Variants in TOMM40 observed in about 807,000 individuals in gnomAD.
TOMM40 encodes mitochondrial import receptor subunit TOM40 homolog.
In TOMM40, 9 loss-of-function variants were observed where a neutral mutation model predicts 38.4. That is an observed-to-expected ratio of 0.23 (90% confidence interval 0.14 to 0.41). The LOEUF is 0.41. Among genes scored for constraint, TOMM40 ranks in the 10% least tolerant of loss-of-function variants. The probability of loss-of-function intolerance (pLI) is 1.00; values close to 1 mark genes in which losing one functional copy is unlikely to be tolerated. For synonymous variants in TOMM40, 184 were observed against 210.0 expected, an observed-to-expected ratio of 0.88 and a Z score of 1.07; for missense variants, 299 against 486.5, an observed-to-expected ratio of 0.61 and a Z score of 3.63.
At chr19:44,901,171 A>G (rs1468346592) in intron 7 of TOMM40, 37 bp from the exon 8 acceptor site, 3 of 1,613,758 alleles carry the variant, frequency 1.9e-6, no homozygotes, top group South Asian at 1.1e-5. Flanking sequence ...AGGTGGGGCC[A>G]CTTGCTAATT....
At position 44,901,112 on chromosome 19, in the gene TOMM40, G is replaced by A. The variant is rs756652515; in HGVS notation, c.843+8G>A. On this transcript the variant is annotated splice_region_variant and intron_variant, in intron 7 of 8. Coordinates refer to ENST00000426677, the MANE Select transcript of TOMM40 (RefSeq NM_001128917.2). The stretch of plus-strand genomic sequence containing the variant: ...CACAAAGCCAGTGACCAGGTGAGTG[G>A]GTGCAGGGACTAGCTGGTGCTGCCA... 3.1e-6 allele frequency: 5 copies of A among 1,614,144 alleles called. No homozygotes were observed. The highest frequency in any genetic ancestry group is 3.3e-5 in the Admixed American group (2 of 60,014).
intron 2 of TOMM40, 118 bp downstream of exon 2, chr19:44,892,578 A>G: frequency 1.0e-6 from 1 of 995,824 alleles, no homozygotes; most frequent in Non-Finnish European, 1.6e-6. Flanking sequence ...ATACTTGAAA[A>G]GACTCGGAGA....
At chr19:44,893,056 C>T in intron 3 of TOMM40, 127 bp downstream of exon 3, 1 of 718,520 alleles carries the variant, frequency 1.4e-6, no homozygotes, top group Non-Finnish European at 2.3e-6. Context: ...GGGATTGCAT[C>T]TCTCCGAGGT....
intron 5 of TOMM40, among the ~76,000 whole-genome samples, chr19:44,897,948 TG>T (rs1180947698): frequency 3.3e-5 from 5 of 152,010 alleles, no homozygotes; most frequent in Non-Finnish European, 4.4e-5. Context: ...CAACAACCAG[TG>T]GGGGGTTCGG....
At chr19:44,900,673 G>T in intron 5 of TOMM40, 57 bp from the exon 6 acceptor site, 1 of 1,610,866 alleles carries the variant, frequency 6.2e-7, no homozygotes. Context: ...CTTCCTGGAG[G>T]TGGAGTCTAG....
rs564387680 is a variant in TOMM40, at chr19:44,891,608, G to C, written c.193G>C (p.Ala65Pro). Residue 65 changes from alanine (A) to proline (P), a missense_variant, in exon 1 of 9, where the codon GCC (alanine) becomes CCC (proline). Physicochemically the swap from Ala to Pro is conservative, Grantham distance 27. Transcript: ENST00000426677. ...ERTPGAATAS[A>P]SGAAEDGACG... The stretch of plus-strand genomic sequence containing the variant: ...GACCCCCGGGGCTGCAACCGCCAGC[G>C]CCTCAGGGGCCGCCGAGGATGGGGC... The C allele has an allele frequency of 5.4e-6, 8 of 1,475,754 alleles. No individual in the cohort carries two copies. The South Asian group carries it at 6.3e-5, about 12-fold the overall frequency. 91.4% of individuals were successfully genotyped at this position (1,475,754 alleles called of 1,614,324 possible).
intron 5 of TOMM40, 107 bp downstream of exon 5, chr19:44,894,173 C>A: frequency 1.2e-6 from 1 of 801,894 alleles, no homozygotes; most frequent in Non-Finnish European, 1.9e-6. Flanking sequence ...AGAAGTGGCT[C>A]AGCAGGAGTG....
chr19:44,894,118 G>A (rs759234872), intron 5 of TOMM40, 52 bp downstream of exon 5: 3 of 1,386,614 alleles, frequency 2.2e-6, no homozygotes, highest in East Asian at 4.9e-5. Context: ...TTCTGGCTTT[G>A]CCAGCAAATC....
chr19:44,903,258 C>T lies in TOMM40; in HGVS notation c.*89C>T. The T allele has an allele frequency of 7.4e-7, 1 of 1,344,734 alleles. No individual in the cohort carries two copies. Among genetic ancestry groups the T allele is most frequent in the Middle Eastern group, 2.7e-4 (1 of 3,654 alleles). 83.3% of individuals were successfully genotyped at this position (1,344,734 alleles called of 1,614,324 possible). A position where few individuals can be genotyped will look rare whatever the true frequency, so the allele number is the denominator to read the frequency against. On this transcript the variant is annotated 3_prime_UTR_variant, in exon 9 of 9. Coordinates refer to ENST00000426677, the MANE Select transcript of TOMM40 (RefSeq NM_001128917.2). ...ACAGAGGGGAGACCTGAGCCCCCCT[C>T]CCTTCCCTCCCCCCTTGGGGGTCGG...
rs915656093 is a variant in TOMM40, at chr19:44,892,555, G to C, written c.342+95G>C. On this transcript the variant is annotated intron_variant, in intron 2 of 8. Coordinates refer to ENST00000426677, the MANE Select transcript of TOMM40 (RefSeq NM_001128917.2). ...CGGCCCAATTACTCCTCCCTCAAGA[G>C]CTGGGCTCCCTGATACTTGAAAAGA... 4.7e-5 allele frequency: 56 copies of C among 1,203,104 alleles called. No homozygotes were observed. The African/African-American group carries it at 7.5e-4, about 16-fold the overall frequency. The allele number at this position is 1,203,104 out of a possible 1,614,324, so 74.5% of individuals were successfully genotyped here. A position where few individuals can be genotyped will look rare whatever the true frequency, so the allele number is the denominator to read the frequency against.
intron 5 of TOMM40, among the ~76,000 whole-genome samples, chr19:44,898,536 T>G (rs1430140157): frequency 6.9e-6 from 1 of 144,492 alleles, no homozygotes; most frequent in Non-Finnish European, 1.5e-5. Flanking sequence ...TTTTTTTTTT[T>G]TTTTTGTCTT....
chr19:44,899,024 C>T (rs928245589), intron 5 of TOMM40, among the ~76,000 whole-genome samples: 8 of 148,332 alleles, frequency 5.4e-5, no homozygotes, highest in Non-Finnish European at 7.4e-5. Context: ...CCCAGCTACT[C>T]GGAGAGGCTG....
At chr19:44,893,686 G>A (rs562529196) in intron 3 of TOMM40, 94 bp from the exon 4 acceptor site, 8 of 1,048,646 alleles carry the variant, frequency 7.6e-6, no homozygotes, top group East Asian at 2.8e-5. Context: ...ACCCCCATCC[G>A]AGGCTTTCTG....
In TOMM40 at chr19:44,893,890, G is replaced by A; in HGVS notation, c.537+9G>A. 6.2e-7 allele frequency: 1 copy of A among 1,611,672 alleles called. No individual in the cohort carries two copies. The highest frequency in any genetic ancestry group is 1.1e-5 in the South Asian group (1 of 90,936). On this transcript the variant is annotated intron_variant, in intron 4 of 8. Coordinates refer to ENST00000426677, the MANE Select transcript of TOMM40 (RefSeq NM_001128917.2). ...CCAAGATGGCCATCCAGGTGAGTGG[G>A]GCACGGAGGCTGCTGCTCCCCTCGG...
At chr19:44,901,157 G>A in intron 7 of TOMM40, 51 bp from the exon 8 acceptor site, 1 of 1,613,870 alleles carries the variant, frequency 6.2e-7, no homozygotes, top group Non-Finnish European at 8.5e-7. Flanking sequence ...GGGCCTGGAA[G>A]TCCAGGTGGG....
rs1285069756 is a variant in TOMM40 at position 44,891,291 on chromosome 19, G to A, written c.-125G>A. 3 of 1,188,596 alleles carry A rather than the reference G, an allele frequency of 2.5e-6. No individual in the cohort carries two copies. Among genetic ancestry groups the A allele is most frequent in the East Asian group, 3.5e-5 (1 of 28,700 alleles). 73.6% of individuals were successfully genotyped at this position (1,188,596 alleles called of 1,614,324 possible). On this transcript the variant is annotated 5_prime_UTR_variant, in exon 1 of 9. Transcript: ENST00000426677. ...GCGCACGGGGTGGGAGCGGAGCCCA[G>A]GCCGGGAGCAGGCGCCGCCGCCAGT... is the stretch of plus-strand genomic sequence containing the variant.
At chr19:44,893,297 A>G (rs1454046669) in intron 3 of TOMM40, among the ~76,000 whole-genome samples, 1 of 152,126 alleles carries the variant, frequency 6.6e-6, no homozygotes, top group Non-Finnish European at 1.5e-5. Flanking sequence ...TGGTTTGGTC[A>G]AGGGAAAGAC....
rs1969495527 is a variant in TOMM40 at position 44,892,938 on chromosome 19, C to T, written c.435+9C>T. 3 of 1,604,830 alleles carry T rather than the reference C, an allele frequency of 1.9e-6. No individual in the cohort carries two copies. The highest frequency in any genetic ancestry group is 2.7e-5 in the African/African-American group (2 of 74,624). The stretch of plus-strand genomic sequence containing the variant: ...AGCTGAGTCCCACAGAGGTGAGCTT[C>T]CTTTTTCATCCATTCATTGTATCCT... On this transcript the variant is annotated intron_variant, in intron 3 of 8. Coordinates refer to ENST00000426677, the MANE Select transcript of TOMM40 (RefSeq NM_001128917.2).
intron 1 of TOMM40, 54 bp downstream of exon 1, chr19:44,891,743 G>A (rs1877239149): frequency 4.3e-6 from 6 of 1,384,056 alleles, no homozygotes; most frequent in South Asian, 3.1e-5. Flanking sequence ...TCGGGGGAAG[G>A]GGGAGGACAC....
Sources: allele counts gnomAD v4.1 joint callset (sites outside exome capture counted in the v4.1 genomes callset), GRCh38; gene constraint gnomAD v4.1.1; transcripts MANE v1.5; gene names NCBI Gene and HGNC (gene_info 2026-07-23, HGNC 2026-07-21).